EEIG2: variants seen among roughly 807,000 people sequenced by gnomAD.
The protein encoded by EEIG2 is EEIG family member 2.
the EEIG2 span, chr1:108,635,281 CT>C: frequency 8.3e-7 from 1 of 1,210,422 alleles, no homozygotes; most frequent in Non-Finnish European, 1.2e-6. Context: ...CTGGTTTCTT[CT>C]CTGGAAGGAC....
At chr1:108,576,195 ACTAAT>A in the EEIG2 span, among the ~76,000 whole-genome samples, 36 of 152,150 alleles carry the variant, frequency 2.4e-4, no homozygotes, top group Non-Finnish European at 4.6e-4. Flanking sequence ...ATTCCCCTAA[ACTAAT>A]ATAATTCCTG....
the EEIG2 span, among the ~76,000 whole-genome samples, chr1:108,622,957 G>T: frequency 2.0e-5 from 3 of 152,222 alleles, no homozygotes; most frequent in Admixed American, 2.0e-4. Context: ...GGGATTGGCT[G>T]GGCATGGTGG....
the EEIG2 span, among the ~76,000 whole-genome samples, chr1:108,618,994 G>T: frequency 6.6e-6 from 1 of 152,050 alleles, no homozygotes; most frequent in Non-Finnish European, 1.5e-5. Flanking sequence ...GGTGTCTCAG[G>T]TAACTGTTTT....
At chr1:108,610,179 G>A in the EEIG2 span, among the ~76,000 whole-genome samples, 1 of 152,208 alleles carries the variant, frequency 6.6e-6, no homozygotes, top group Non-Finnish European at 1.5e-5. Context: ...GTTCATTAAA[G>A]TAGGAGAAAA....
the EEIG2 span, among the ~76,000 whole-genome samples, chr1:108,615,891 C>T: frequency 0.82 from 124,935 of 151,986 alleles, 53,071 homozygotes; most frequent in Non-Finnish European, 0.93. Flanking sequence ...GAAACATCAA[C>T]GTGGCAACTT....
the EEIG2 span, chr1:108,600,620 C>T: frequency 1.9e-6 from 3 of 1,611,268 alleles, no homozygotes; most frequent in African/African-American, 1.3e-5. Flanking sequence ...CATTTATGTG[C>T]AAAATGAGTG....
the EEIG2 span, among the ~76,000 whole-genome samples, chr1:108,564,467 A>T: frequency 6.6e-6 from 1 of 152,158 alleles, no homozygotes; most frequent in Non-Finnish European, 1.5e-5. Context: ...ATGGTGGTGG[A>T]AGATATAGTG....
At chr1:108,606,164 T>C in the EEIG2 span, 21 of 1,060,168 alleles carry the variant, frequency 2.0e-5, no homozygotes, top group Non-Finnish European at 2.7e-5. Context: ...ATTTGACATA[T>C]ATTTAATTTT....
the EEIG2 span, among the ~76,000 whole-genome samples, chr1:108,609,233 G>A: frequency 6.6e-6 from 1 of 152,204 alleles, no homozygotes; most frequent in Non-Finnish European, 1.5e-5. Context: ...GCCAGGCACT[G>A]TTCTTGGTAC....
the EEIG2 span, chr1:108,638,918 A>C: frequency 6.6e-6 from 1 of 152,212 alleles, no homozygotes; most frequent in African/African-American, 2.4e-5. Flanking sequence ...AAGCTGACAA[A>C]ATTTTTAATT....
At chr1:108,590,972 C>G in the EEIG2 span, among the ~76,000 whole-genome samples, 1 of 152,150 alleles carries the variant, frequency 6.6e-6, no homozygotes, top group Non-Finnish European at 1.5e-5. Flanking sequence ...AAGGCCATAG[C>G]AACATTTCTT....
the EEIG2 span, among the ~76,000 whole-genome samples, chr1:108,612,516 G>A: frequency 4.6e-5 from 7 of 152,144 alleles, no homozygotes; most frequent in Non-Finnish European, 2.9e-5. Context: ...TTTCTTTGAC[G>A]TTTGAGCATT....
At chr1:108,579,796 A>AGAGAGAGAGAG in the EEIG2 span, among the ~76,000 whole-genome samples, 1 of 149,040 alleles carries the variant, frequency 6.7e-6, no homozygotes, top group Non-Finnish European at 1.5e-5. Flanking sequence ...AGAGAGAGAG[A>AGAGAGAGAGAG]AAGAAACCCA....
At chr1:108,635,514 C>T in the EEIG2 span, 1 of 178,198 alleles carries the variant, frequency 5.6e-6, no homozygotes, top group Admixed American at 5.9e-5. Context: ...TCAAGAGGCT[C>T]AATAGATTTG....
the EEIG2 span, chr1:108,628,901 T>A: frequency 1.9e-6 from 2 of 1,035,830 alleles, no homozygotes; most frequent in South Asian, 4.5e-5. Flanking sequence ...TAATACTGAC[T>A]GTTGCATATT....
chr1:108,624,559 C>T, the EEIG2 span: 3 of 1,167,098 alleles, frequency 2.6e-6, no homozygotes, highest in Non-Finnish European at 3.8e-6. Context: ...GCAGTCTATG[C>T]TAAGGCTTAC....
the EEIG2 span, among the ~76,000 whole-genome samples, chr1:108,617,997 A>G: frequency 6.6e-6 from 1 of 152,176 alleles, no homozygotes; most frequent in Admixed American, 6.5e-5. Context: ...GAGGAGAAAA[A>G]TTGGAGACAG....
chr1:108,570,771 A>G, the EEIG2 span, among the ~76,000 whole-genome samples: 1 of 152,182 alleles, frequency 6.6e-6, no homozygotes, highest in Non-Finnish European at 1.5e-5. Flanking sequence ...AAAGGAATCT[A>G]AAGAATCAGT....
the EEIG2 span, among the ~76,000 whole-genome samples, chr1:108,585,990 A>T: frequency 1.3e-5 from 2 of 152,042 alleles, no homozygotes; most frequent in Non-Finnish European, 2.9e-5. Flanking sequence ...TCCTCCTCTG[A>T]TATTATAGAG....
Sources: gnomAD v4.1 joint callset for allele counts (sites outside exome capture counted in the v4.1 genomes callset) on GRCh38, gnomAD v4.1.1 for gene constraint, MANE v1.5 for transcripts, NCBI Gene and HGNC (gene_info 2026-07-23, HGNC 2026-07-21) for gene names.